The following MIS18A variants were observed in gnomAD, a reference collection of about 807,000 sequenced individuals.
MIS18A encodes the protein protein Mis18-alpha.
A neutral mutation model predicts 25.0 loss-of-function variants in MIS18A; 14 were observed. The observed-to-expected ratio is 0.56, with a 90% confidence interval of 0.37 to 0.88. MIS18A has a LOEUF of 0.88. Among genes scored for constraint, MIS18A ranks in the 40% least tolerant of loss-of-function variants. MIS18A has a pLI of 0.00. For synonymous variants in MIS18A, 134 were observed against 118.6 expected (o/e 1.13, Z -0.84); for missense variants, 292 against 290.8 (o/e 1.00, Z -0.03).
chr21:32,223,315 T>TA, the MIS18A span, among the ~76,000 whole-genome samples: 29 of 150,546 alleles, frequency 1.9e-4, no homozygotes, highest in Middle Eastern at 3.4e-3. Context: ...AAAAAACCCT[T>TA]AAAAAAAAAT....
chr21:32,273,673 T>G lies in MIS18A; in HGVS notation c.401+1157A>C, dbSNP rs530917351. 3.9e-4 allele frequency among the ~76,000 whole-genome samples: 60 copies of G among 152,274 alleles called. 1 individual carries two copies. The highest frequency in any genetic ancestry group is 7.2e-4 in the Non-Finnish European group (49 of 68,010). On this transcript the variant is annotated intron_variant, in intron 2 of 4. Coordinates refer to ENST00000290130, the MANE Select transcript of MIS18A (RefSeq NM_018944.3). ...AATGGTAGCTCCTAATGTGATGGTATTGGGAGGAGGGGTCATCAGGAGGTA... is the reference window on the plus strand; with the variant it reads ...AATGGTAGCTCCTAATGTGATGGTAGTGGGAGGAGGGGTCATCAGGAGGTA...
the MIS18A span, among the ~76,000 whole-genome samples, chr21:32,239,597 G>A: frequency 1.3e-5 from 2 of 152,116 alleles, no homozygotes; most frequent in Non-Finnish European, 2.9e-5. Context: ...AGGTGCCATC[G>A]CAACCAGGTA....
At chr21:32,179,438 T>G in the MIS18A span, among the ~76,000 whole-genome samples, 1 of 113,574 alleles carries the variant, frequency 8.8e-6, no homozygotes. Context: ...CATGCACACA[T>G]GCACACACAC....
chr21:32,279,040 A>C lies in MIS18A; in HGVS notation c.-26T>G, dbSNP rs1180320537. On this transcript the variant is annotated 5_prime_UTR_variant, in exon 1 of 5. Coordinates refer to ENST00000290130, the MANE Select transcript of MIS18A (RefSeq NM_018944.3). ...TACCTACAAATCGCCCGCGCCCCAG[A>C]GCGCCATGGGAAAAAAAACCGCCGC... is the stretch of plus-strand genomic sequence containing the variant. The C allele has an allele frequency of 6.4e-7, 1 of 1,563,306 alleles. No homozygotes were observed. The highest frequency in any genetic ancestry group is 8.6e-7 in the Non-Finnish European group (1 of 1,157,162).
chr21:32,203,796 T>C, the MIS18A span, among the ~76,000 whole-genome samples: 1 of 151,914 alleles, frequency 6.6e-6, no homozygotes, highest in Admixed American at 6.6e-5. Flanking sequence ...TTTTGTATTT[T>C]TTTGTAGAGA....
the MIS18A span, among the ~76,000 whole-genome samples, chr21:32,226,885 A>G: frequency 6.6e-6 from 1 of 152,280 alleles, no homozygotes; most frequent in East Asian, 1.9e-4. Context: ...TACACAAAAT[A>G]TGTTCTCCAA....
At chr21:32,156,661 G>A in the MIS18A span, among the ~76,000 whole-genome samples, 2 of 152,098 alleles carry the variant, frequency 1.3e-5, no homozygotes, top group African/African-American at 4.8e-5. Flanking sequence ...CTGGTCCCAG[G>A]AAGCGTTTTT....
At chr21:32,191,685 C>G in the MIS18A span, among the ~76,000 whole-genome samples, 1 of 152,192 alleles carries the variant, frequency 6.6e-6, no homozygotes, top group African/African-American at 2.4e-5. Context: ...GGGTGGGTCA[C>G]CTGAGGTCAG....
the MIS18A span, among the ~76,000 whole-genome samples, chr21:32,232,307 T>C: frequency 6.6e-6 from 1 of 151,804 alleles, no homozygotes; most frequent in Admixed American, 6.6e-5. Flanking sequence ...GATATAAAGA[T>C]ATATCTATAG....
chr21:32,179,444 C>T, the MIS18A span, among the ~76,000 whole-genome samples: 1 of 149,668 alleles, frequency 6.7e-6, no homozygotes, highest in African/African-American at 2.6e-5. Context: ...CACATGCACA[C>T]ACACACACAA....
the MIS18A span, among the ~76,000 whole-genome samples, chr21:32,156,164 T>C: frequency 6.6e-6 from 1 of 151,654 alleles, no homozygotes; most frequent in Non-Finnish European, 1.5e-5. Context: ...CATTTACAAA[T>C]CAAACAGCTC....
chr21:32,205,265 C>T, the MIS18A span, among the ~76,000 whole-genome samples: 169 of 151,718 alleles, frequency 1.1e-3, 1 homozygote, highest in African/African-American at 3.9e-3. Flanking sequence ...CCACCACGCC[C>T]GGCTAATTTT....
rs528272902 is a variant in MIS18A, at chr21:32,268,951, T to G, written c.*86A>C. On this transcript the variant is annotated 3_prime_UTR_variant, in exon 5 of 5. Coordinates refer to ENST00000290130, the MANE Select transcript of MIS18A (RefSeq NM_018944.3). ...CTAATTTTTTTTTTCTTTTTTTTTT[T>G]GTAGAGACGACGTCTCACTATGTTG... The G allele has an allele frequency of 3.0e-6, 3 of 984,238 alleles. No individual in the cohort carries two copies. The highest frequency in any genetic ancestry group is 1.9e-5 in the South Asian group (1 of 52,598). 61.0% of individuals were successfully genotyped at this position (984,238 alleles called of 1,614,324 possible).
the MIS18A span, among the ~76,000 whole-genome samples, chr21:32,256,478 G>A: frequency 3.9e-5 from 6 of 152,088 alleles, no homozygotes; most frequent in East Asian, 1.2e-3. Context: ...TCTACCGGGA[G>A]GCATAAAAAG....
the MIS18A span, among the ~76,000 whole-genome samples, chr21:32,168,313 T>C: frequency 0.012 from 1,787 of 152,274 alleles, 56 homozygotes; most frequent in East Asian, 0.11. Flanking sequence ...CAAAAACATA[T>C]GTCATCTTCA....
chr21:32,175,859 A>C, the MIS18A span, among the ~76,000 whole-genome samples: 4 of 95,848 alleles, frequency 4.2e-5, no homozygotes, highest in Admixed American at 1.1e-4. Flanking sequence ...GCTATACAAA[A>C]ATTTTTTTTC....
chr21:32,188,313 T>C, the MIS18A span, among the ~76,000 whole-genome samples: 5 of 152,366 alleles, frequency 3.3e-5, no homozygotes, highest in Admixed American at 1.3e-4. Context: ...GCATTGGCAG[T>C]AGCCAGAATA....
chr21:32,214,914 T>G, the MIS18A span, among the ~76,000 whole-genome samples: 2 of 152,168 alleles, frequency 1.3e-5, no homozygotes, highest in Non-Finnish European at 2.9e-5. Context: ...GTAAGTCCAG[T>G]GTGAGTCAAG....
At chr21:32,240,922 C>T in the MIS18A span, among the ~76,000 whole-genome samples, 685 of 152,278 alleles carry the variant, frequency 4.5e-3, no homozygotes, top group South Asian at 0.018. Context: ...CCCCATAATA[C>T]AGGAAGTCTC....
Sources: allele counts gnomAD v4.1 joint callset (sites outside exome capture counted in the v4.1 genomes callset), GRCh38; gene constraint gnomAD v4.1.1; transcripts MANE v1.5; gene names NCBI Gene and HGNC (gene_info 2026-07-23, HGNC 2026-07-21).